SCUBE2: variants seen among roughly 807,000 people sequenced by gnomAD.
The protein encoded by SCUBE2 is signal peptide, CUB domain and EGF like domain containing 2, also known as signal peptide, CUB and EGF-like domain-containing protein 2.
Under a neutral mutation model 125.9 loss-of-function variants are expected in SCUBE2, and 114 were observed. The ratio of observed to expected loss-of-function variants is 0.91; its 90% CI spans 0.78 to 1.06. The LOEUF is 1.06. Among genes scored for constraint, SCUBE2 ranks in the 50% least tolerant of loss-of-function variants. The probability of loss-of-function intolerance (pLI) is 0.00; values close to 1 mark genes in which losing one functional copy is unlikely to be tolerated. For missense variants in SCUBE2, 1,255 were observed against 1,301.8 expected, an observed-to-expected ratio of 0.96 and a Z score of 0.55; for synonymous variants, 459 against 492.9, an observed-to-expected ratio of 0.93 and a Z score of 0.91.
Position 9,028,408 on chromosome 11 carries a change from G to A in SCUBE2, c.2504-847C>T, listed in dbSNP as rs75721662. ...GGTACAGGGCATGCTGGATACCTAC[G>A]TCTGGCACCAAAGACAGAGGCTGCA... On this transcript the variant is annotated intron_variant, in intron 19 of 22. Transcript: ENST00000649792. 7.4e-3 allele frequency among the ~76,000 whole-genome samples: 1,126 copies of A among 152,270 alleles called. 7 individuals are homozygous for A. The highest frequency in any genetic ancestry group is 0.012 in the Non-Finnish European group (845 of 68,030).
chr11:9,078,607 T>A (rs916143128), intron 3 of SCUBE2, among the ~76,000 whole-genome samples: 1 of 152,196 alleles, frequency 6.6e-6, no homozygotes, highest in Non-Finnish European at 1.5e-5. Flanking sequence ...CGCTGCTCCT[T>A]AGTTGGCCAA....
At chr11:9,044,354 A>G (rs1264704920) in intron 16 of SCUBE2, among the ~76,000 whole-genome samples, 8 of 152,084 alleles carry the variant, frequency 5.3e-5, no homozygotes, top group African/African-American at 1.9e-4. Context: ...CTGGACTCAG[A>G]TGATCCTCCC....
intron 10 of SCUBE2, 84 bp from the exon 11 acceptor site, chr11:9,053,843 G>T (rs1348678449): frequency 3.9e-6 from 6 of 1,525,162 alleles, no homozygotes; most frequent in Non-Finnish European, 5.3e-6. Context: ...GGAGCAGCAG[G>T]GGAGTCACAA....
chr11:9,086,570 T>C (rs935049330), intron 2 of SCUBE2, among the ~76,000 whole-genome samples: 9 of 152,200 alleles, frequency 5.9e-5, no homozygotes, highest in African/African-American at 1.9e-4. Flanking sequence ...AGGGACATCC[T>C]GGCCGGGCGC....
Position 9,089,419 on chromosome 11 carries a change from C to A in SCUBE2, c.256+288G>T, listed in dbSNP as rs192958346. The stretch of plus-strand genomic sequence containing the variant: ...ATCAGCATGGATGTTTACTTTCTGC[C>A]CCAAAACTGAGTGGGACCCAAAGAT... On this transcript the variant is annotated intron_variant, in intron 2 of 22. Coordinates refer to ENST00000649792, the MANE Select transcript of SCUBE2 (RefSeq NM_001367977.2). Among the ~76,000 whole-genome samples the A allele has an allele frequency of 2.1e-3, 322 of 152,238 alleles. 3 individuals are homozygous for A. The highest frequency in any genetic ancestry group is 1.8e-3 in the Admixed American group (27 of 15,296).
intron 2 of SCUBE2, among the ~76,000 whole-genome samples, chr11:9,082,794 G>T (rs1174786655): frequency 2.0e-5 from 3 of 152,218 alleles, no homozygotes; most frequent in Non-Finnish European, 2.9e-5. Flanking sequence ...ACAGAAAGTA[G>T]ATTACTGGTT....
chr11:9,032,200 C>T (rs1048154209), intron 17 of SCUBE2, among the ~76,000 whole-genome samples: 1 of 151,938 alleles, frequency 6.6e-6, no homozygotes, highest in African/African-American at 2.4e-5. Context: ...CTTACTACAG[C>T]TTGACCTCCT....
intron 16 of SCUBE2, among the ~76,000 whole-genome samples, chr11:9,042,167 T>A (rs188877100): frequency 6.6e-6 from 1 of 152,224 alleles, no homozygotes; most frequent in East Asian, 1.9e-4. Flanking sequence ...CTGGCTTTAC[T>A]CCTCTTACAG....
At chr11:9,086,814 C>A (rs976487642) in intron 2 of SCUBE2, among the ~76,000 whole-genome samples, 2 of 147,198 alleles carry the variant, frequency 1.4e-5, no homozygotes, top group Admixed American at 1.4e-4. Context: ...GACTGCACCA[C>A]TGCATTCCAG....
rs751229956 is a variant in SCUBE2 at position 9,050,627 on chromosome 11, C to T, written c.1618G>A (p.Gly540Ser). 9 of 1,614,162 alleles carry T rather than the reference C, an allele frequency of 5.6e-6. No individual in the cohort carries two copies. In the Admixed American group the frequency reaches 1.3e-4, roughly 24 times the overall value. The change falls in exon 14 of 23, where the codon GGT becomes AGT. Residue 540 changes from glycine to serine, a missense_variant. Gly to Ser is a moderately conservative substitution (Grantham distance 56, BLOSUM62 0). This residue lies in a region of SCUBE2 where 378 missense variants were observed against 463.1 expected (regional missense o/e 0.82). Transcript: ENST00000649792. ...SLKNAELFPE[G>S]LRPALPEKHS... ...ATACCTGGTAGTGCTGGTCGCAGAC[C>T]CTCGGGAAACAGCTCAGCATTTTTC...
chr11:9,022,986 A>G (rs1589981756), intron 21 of SCUBE2, among the ~76,000 whole-genome samples: 1 of 151,934 alleles, frequency 6.6e-6, no homozygotes, highest in Non-Finnish European at 1.5e-5. Context: ...CTGGTCGGGG[A>G]GGAAGAAAAC....
intron 16 of SCUBE2, among the ~76,000 whole-genome samples, chr11:9,043,543 C>A (rs1482647787): frequency 6.6e-6 from 1 of 151,432 alleles, no homozygotes; most frequent in African/African-American, 2.4e-5. Flanking sequence ...CCCCAAAGTC[C>A]CCAAATGCCA....
At chr11:9,068,605 G>A (rs1258127149) in intron 5 of SCUBE2, among the ~76,000 whole-genome samples, 2 of 152,196 alleles carry the variant, frequency 1.3e-5, no homozygotes, top group African/African-American at 2.4e-5. Context: ...GCACCCAGGA[G>A]GCTTCTGATA....
At position 9,027,378 on chromosome 11, in the gene SCUBE2, A is replaced by G. The variant is rs1218490158; in HGVS notation, c.2687T>C (p.Val896Ala). 6.2e-7 allele frequency: 1 copy of G among 1,613,936 alleles called. No individual in the cohort carries two copies. The highest frequency in any genetic ancestry group is 8.5e-7 in the Non-Finnish European group (1 of 1,179,984). Reference protein sequence around the residue: ...PIEDDCGDYLVMRKTSSSNSV... With the variant: ...PIEDDCGDYLAMRKTSSSNSV... Reference sequence around the variant, plus strand: ...GTGAGACGCACAGGTTTTCCGCATCACCAGATAGTCCCCACAGTCGTCCTC... The same window carrying G: ...GTGAGACGCACAGGTTTTCCGCATCGCCAGATAGTCCCCACAGTCGTCCTC... Residue 896 changes from valine to alanine, a missense_variant, in exon 20 of 23, where the codon GTG (valine) becomes GCG (alanine). Transcript: ENST00000649792.
chr11:9,079,396 G>A lies in SCUBE2; in HGVS notation c.370C>T (p.His124Tyr). ...ATGCCTTCCTTACCAAGACAATTAT[G>A]ACCGTCATGAGCCAACATGAAGCCA... ...FDGFMLAHDG[H>Y]NCLDVDECLE... is the part of the protein sequence containing the mutation. The change falls in exon 3 of 23, where the codon CAT becomes TAT. Residue 124 changes from histidine (H) to tyrosine (Y), a missense_variant. Physicochemically the swap from His to Tyr is moderately conservative, Grantham distance 83 (BLOSUM62 2). Transcript: ENST00000649792. The A allele has an allele frequency of 6.2e-7, 1 of 1,613,996 alleles. No individual in the cohort carries two copies. The highest frequency in any genetic ancestry group is 8.5e-7 in the Non-Finnish European group (1 of 1,179,940).
At chr11:9,058,048 A>G (rs1859274183) in intron 9 of SCUBE2, among the ~76,000 whole-genome samples, 1 of 152,188 alleles carries the variant, frequency 6.6e-6, no homozygotes, top group Non-Finnish European at 1.5e-5. Context: ...TTATATGGGA[A>G]GGATGTGTTT....
intron 7 of SCUBE2, among the ~76,000 whole-genome samples, chr11:9,063,398 G>A (rs75567820): frequency 6.6e-6 from 1 of 152,180 alleles, no homozygotes; most frequent in Non-Finnish European, 1.5e-5. Context: ...CAGATCACTG[G>A]GAAGGAGGAG....
At chr11:9,027,192 T>A in intron 20 of SCUBE2, 172 bp downstream of exon 20, 1 of 641,456 alleles carries the variant, frequency 1.6e-6, no homozygotes, top group Non-Finnish European at 2.7e-6. Context: ...GACGCTTCAG[T>A]GTGTGGCTTT....
At chr11:9,055,151 G>C (rs894057330) in intron 10 of SCUBE2, among the ~76,000 whole-genome samples, 2 of 152,162 alleles carry the variant, frequency 1.3e-5, no homozygotes, top group African/African-American at 4.8e-5. Context: ...ATTCTGAATT[G>C]GAATCTGAAC....
Sources: gnomAD v4.1 joint callset for allele counts (sites outside exome capture counted in the v4.1 genomes callset) on GRCh38, gnomAD v4.1.1 for gene constraint, gnomAD v4.1.1 regional missense constraint, MANE v1.5 for transcripts, NCBI Gene and HGNC (gene_info 2026-07-23, HGNC 2026-07-21) for gene names.